Variants in POLH observed in about 807,000 individuals in gnomAD.
The protein encoded by POLH is DNA polymerase eta transcript.
A neutral mutation model predicts 73.6 loss-of-function variants in POLH; 53 were observed. The ratio of observed to expected loss-of-function variants is 0.72; its 90% CI spans 0.58 to 0.91. POLH has a LOEUF of 0.91. Ranked by LOEUF, POLH falls within the 40% of genes least tolerant of loss-of-function variation. The probability of loss-of-function intolerance (pLI) is 0.00; values close to 1 mark genes in which losing one functional copy is unlikely to be tolerated. For synonymous variants in POLH, 292 were observed against 308.5 expected, an observed-to-expected ratio of 0.95 and a Z score of 0.56; for missense variants, 768 against 865.4, an observed-to-expected ratio of 0.89 and a Z score of 1.41.
intron 9 of POLH, among the ~76,000 whole-genome samples, chr6:43,607,287 G>T (rs1767410402): frequency 6.6e-6 from 1 of 152,094 alleles, no homozygotes; most frequent in African/African-American, 2.4e-5. Flanking sequence ...TAGAGATAGG[G>T]TTTCACCATG....
At chr6:43,598,319 T>C (rs1183746677) in intron 5 of POLH, among the ~76,000 whole-genome samples, 12 of 151,438 alleles carry the variant, frequency 7.9e-5, no homozygotes, top group African/African-American at 2.7e-4. Flanking sequence ...ACATTAAATA[T>C]GTACTTTCCT....
intron 1 of POLH, among the ~76,000 whole-genome samples, chr6:43,576,740 C>G (rs1411393226): frequency 6.6e-6 from 1 of 152,210 alleles, no homozygotes; most frequent in Non-Finnish European, 1.5e-5. Flanking sequence ...GGAATAATTG[C>G]AATCAGTGAA....
In POLH at chr6:43,620,292, A is replaced by C; in HGVS notation, c.*5735A>C. 1 of 517,266 alleles carries C rather than the reference A, an allele frequency of 1.9e-6. No homozygotes were observed. The allele number at this position is 517,266 out of a possible 1,614,324, so 32.0% of individuals were successfully genotyped here. ...GTATTCTGCTCACTTGAACTACGGA[A>C]AATAGGCCACAATACTTGGTTACAA... On this transcript the variant is annotated 3_prime_UTR_variant, in exon 11 of 11. Coordinates refer to ENST00000372236, the MANE Select transcript of POLH (RefSeq NM_006502.3).
chr6:43,581,591 G>A (rs1232679822), intron 1 of POLH, among the ~76,000 whole-genome samples: 2 of 149,962 alleles, frequency 1.3e-5, no homozygotes. Flanking sequence ...TCCTCCAGCC[G>A]CTGCCTCCCG....
At position 43,614,109 on chromosome 6, in the gene POLH, A is replaced by T. The variant is rs770267888; in HGVS notation, c.1694A>T (p.Asn565Ile). ...TGGTCCAACTGTAAAGCATTACCAA[A>T]CTCTTTACCAACAGAGTATCCAGGG... ...NPWSNCKALP[N>I]SLPTEYPGCV... is the part of the protein sequence containing the mutation. Residue 565 changes from asparagine to isoleucine, a missense_variant, in exon 11 of 11, where the codon AAC (asparagine) becomes ATC (isoleucine). By Grantham distance (149) the Asn-to-Ile change is moderately radical (BLOSUM62 -3). Transcript: ENST00000372236. 3.7e-6 allele frequency: 6 copies of T among 1,614,138 alleles called. No individual in the cohort carries two copies. The highest frequency in any genetic ancestry group is 5.1e-6 in the Non-Finnish European group (6 of 1,180,002).
rs1438241396 is a variant in POLH at position 43,601,003 on chromosome 6, G to T, written c.676G>T (p.Ala226Ser). 6.2e-7 allele frequency: 1 copy of T among 1,613,774 alleles called. No individual in the cohort carries two copies. Among genetic ancestry groups the T allele is most frequent in the Non-Finnish European group, 8.5e-7 (1 of 1,179,796 alleles). ...ATGCTTCCAGGTCCTGGCAAAACTG[G>T]CCTGTGGACTAAACAAGCCCAACCG... ...ISHNKVLAKL[A>S]CGLNKPNRQT... Residue 226 changes from alanine to serine, a missense_variant, in exon 6 of 11, where the codon GCC becomes TCC. Ala to Ser is a moderately conservative substitution (Grantham distance 99). Coordinates refer to ENST00000372236, the MANE Select transcript of POLH (RefSeq NM_006502.3).
In POLH at chr6:43,616,336, A is replaced by T. The variant is rs1028315005; in HGVS notation, c.*1779A>T. Among the ~76,000 whole-genome samples the T allele has an allele frequency of 6.6e-5, 10 of 151,718 alleles. No homozygotes were observed. The South Asian group carries it at 2.1e-3, about 32-fold the overall frequency. On this transcript the variant is annotated 3_prime_UTR_variant, in exon 11 of 11. Transcript: ENST00000372236. The stretch of plus-strand genomic sequence containing the variant: ...AGGCTGGGTGCGGTTCCTCATGCCT[A>T]TAATCCCAGCATTTAGGGAGGCTGA...
Position 43,611,909 on chromosome 6 carries a change from A to C in POLH, c.1244+1186A>C, listed in dbSNP as rs372027959. 2.5e-4 allele frequency among the ~76,000 whole-genome samples: 38 copies of C among 152,146 alleles called. No homozygotes were observed. The South Asian group carries it at 7.0e-3, about 28-fold the overall frequency. The stretch of plus-strand genomic sequence containing the variant: ...TGTCTCTACTAAAAATACAAAAATT[A>C]GCCAGGCATGGTGGTGGATGCCTAT... On this transcript the variant is annotated intron_variant, in intron 10 of 10. Coordinates refer to ENST00000372236, the MANE Select transcript of POLH (RefSeq NM_006502.3).
intron 5 of POLH, among the ~76,000 whole-genome samples, chr6:43,600,453 T>C (rs1766608502): frequency 6.6e-6 from 1 of 152,180 alleles, no homozygotes; most frequent in East Asian, 1.9e-4. Flanking sequence ...TTAAGCTTTT[T>C]CATTTTTTAA....
At position 43,613,780 on chromosome 6, in the gene POLH, A is replaced by G. The variant is rs755262504; in HGVS notation, c.1365A>G (p.Pro455=). 6 of 1,613,790 alleles carry G rather than the reference A, an allele frequency of 3.7e-6. No homozygotes were observed. In the Admixed American group the frequency reaches 8.3e-5, roughly 22 times the overall value. ...SSDPSSLPKV[P]VTSSEAKTQG... The stretch of plus-strand genomic sequence containing the variant: ...ACCCAAGTTCTCTGCCAAAGGTGCC[A>G]GTTACCAGCTCAGAAGCTAAGACCC... The change falls in exon 11 of 11, where the codon CCA becomes CCG. Residue 455 remains proline (P), a synonymous_variant. Coordinates refer to ENST00000372236, the MANE Select transcript of POLH (RefSeq NM_006502.3).
chr6:43,583,090 A>AT lies in POLH; in HGVS notation c.222dup (p.Leu75SerfsTer8). On this transcript the variant is annotated frameshift_variant, in exon 3 of 11. Transcript: ENST00000372236. LOFTEE classifies it high-confidence loss of function. ...GATGATGCTAAGAAGTTATGTCCAG[A>AT]TCTTCTACTGGCACAAGTTCGTGAG... The AT allele has an allele frequency of 6.2e-7, 1 of 1,614,020 alleles. No homozygotes were observed. The highest frequency in any genetic ancestry group is 8.5e-7 in the Non-Finnish European group (1 of 1,179,888).
chr6:43,605,035 T>C (rs1372059398), intron 8 of POLH, among the ~76,000 whole-genome samples: 1 of 152,132 alleles, frequency 6.6e-6, no homozygotes, highest in Non-Finnish European at 1.5e-5. Context: ...TGCTTGAAAG[T>C]CACCTGATGG....
intron 5 of POLH, among the ~76,000 whole-genome samples, chr6:43,599,089 G>A (rs980647408): frequency 6.7e-6 from 1 of 149,162 alleles, no homozygotes; most frequent in Non-Finnish European, 1.5e-5. Flanking sequence ...CCCGGGTTCA[G>A]GTGATTCTCC....
intron 8 of POLH, 40 bp from the exon 9 acceptor site, chr6:43,605,214 A>T: frequency 8.5e-7 from 1 of 1,173,780 alleles, no homozygotes. Flanking sequence ...ATAGACTTCG[A>T]GTGTTTAAAT....
At position 43,610,642 on chromosome 6, in the gene POLH, C is replaced by CG; in HGVS notation, c.1163_1164insG (p.Arg389ProfsTer3). ...AGCCTGCGCCGCTGCTGTGCCCTTA[C>CG]CCGCTATGATGCTCACAAGATGAGC... On this transcript the variant is annotated frameshift_variant, in exon 10 of 11. Coordinates refer to ENST00000372236, the MANE Select transcript of POLH (RefSeq NM_006502.3). LOFTEE classifies it high-confidence loss of function. 1 of 1,613,758 alleles carries CG rather than the reference C, an allele frequency of 6.2e-7. No individual in the cohort carries two copies. The highest frequency in any genetic ancestry group is 8.5e-7 in the Non-Finnish European group (1 of 1,179,818).
At chr6:43,591,621 A>ATT (rs371822062) in intron 4 of POLH, among the ~76,000 whole-genome samples, 40 of 143,628 alleles carry the variant, frequency 2.8e-4, no homozygotes, top group African/African-American at 5.9e-4. Flanking sequence ...ACCCAGCCTG[A>ATT]TTTTTTTTTT....
At chr6:43,607,058 T>C (rs74799743) in intron 9 of POLH, among the ~76,000 whole-genome samples, 5,548 of 152,296 alleles carry the variant, frequency 0.036, 353 homozygotes, top group African/African-American at 0.13. Context: ...GGTTCAGCCG[T>C]ATTGTAGCAT....
At chr6:43,603,683 A>C (rs1487613114) in intron 6 of POLH, among the ~76,000 whole-genome samples, 1 of 152,242 alleles carries the variant, frequency 6.6e-6, no homozygotes, top group African/African-American at 2.4e-5. Context: ...TTTACTTGAT[A>C]GTTAATCAAG....
At chr6:43,606,346 ATC>A (rs1052145443) in intron 9 of POLH, among the ~76,000 whole-genome samples, 3 of 150,470 alleles carry the variant, frequency 2.0e-5, no homozygotes, top group South Asian at 2.1e-4. Flanking sequence ...TTTATTCTCT[ATC>A]TCTGTATATT....
Sources: gnomAD v4.1 joint callset for allele counts (sites outside exome capture counted in the v4.1 genomes callset) on GRCh38, gnomAD v4.1.1 for gene constraint, MANE v1.5 for transcripts, NCBI Gene and HGNC (gene_info 2026-07-23, HGNC 2026-07-21) for gene names.